Variants in PLXDC2 observed in about 807,000 individuals in gnomAD.
PLXDC2 encodes plexin domain containing 2.
A neutral mutation model predicts 68.9 loss-of-function variants in PLXDC2; 40 were observed. That is an observed-to-expected ratio of 0.58 (90% confidence interval 0.45 to 0.76). The LOEUF (loss-of-function observed/expected upper bound fraction) is 0.76, where lower values mean the gene tolerates loss of function less well. PLXDC2 is among the 30% of genes least tolerant of loss of function. The pLI is 0.00. For missense variants in PLXDC2, 644 were observed against 661.9 expected (o/e 0.97, Z 0.30); for synonymous variants, 243 against 234.2 (o/e 1.04, Z -0.34).
At chr10:19,964,742 T>G (rs71497298) in intron 1 of PLXDC2, among the ~76,000 whole-genome samples, 1 of 141,352 alleles carries the variant, frequency 7.1e-6, no homozygotes, top group Admixed American at 6.8e-5. Flanking sequence ...TTTGTTTTTG[T>G]TTTTTTTTTC....
At chr10:20,272,697 T>A (rs1835955228) in intron 13 of PLXDC2, among the ~76,000 whole-genome samples, 1 of 152,238 alleles carries the variant, frequency 6.6e-6, no homozygotes, top group African/African-American at 2.4e-5. Context: ...ATTGGCTTGT[T>A]ATTATCACCA....
intron 3 of PLXDC2, among the ~76,000 whole-genome samples, chr10:20,063,035 T>C (rs1056729708): frequency 1.1e-4 from 17 of 152,206 alleles, no homozygotes; most frequent in Non-Finnish European, 2.2e-4. Flanking sequence ...ACCACTTTAC[T>C]AATAAGAATA....
At chr10:19,913,121 G>A (rs1162286827) in intron 1 of PLXDC2, among the ~76,000 whole-genome samples, 4 of 152,182 alleles carry the variant, frequency 2.6e-5, no homozygotes, top group African/African-American at 9.7e-5. Flanking sequence ...AGGAACATCA[G>A]TGACATGGTT....
chr10:20,245,229 G>A (rs1488780357), intron 12 of PLXDC2, 116 bp from the exon 13 acceptor site: 1 of 1,144,554 alleles, frequency 8.7e-7, no homozygotes, highest in Non-Finnish European at 1.2e-6. Flanking sequence ...CAGAAAAGTT[G>A]TCCAGGAAGT....
intron 1 of PLXDC2, among the ~76,000 whole-genome samples, chr10:19,977,603 A>G (rs561761253): frequency 1.3e-5 from 2 of 152,280 alleles, no homozygotes; most frequent in Non-Finnish European, 1.5e-5. Context: ...GGTGGCTTAA[A>G]CAATATACAT....
In PLXDC2 at chr10:20,287,814, G is replaced by C. The variant is rs374551039; in HGVS notation, c.*7995G>C. 17 of 151,936 alleles carry C rather than the reference G, an allele frequency of 1.1e-4. No individual in the cohort carries two copies. The highest frequency in any genetic ancestry group is 8.3e-4 in the South Asian group (4 of 4,804). The allele number at this position is 151,936 out of a possible 1,614,324, so 9.4% of individuals were successfully genotyped here. A position where few individuals can be genotyped will look rare whatever the true frequency, so the allele number is the denominator to read the frequency against. On this transcript the variant is annotated 3_prime_UTR_variant, in exon 14 of 14. Coordinates refer to ENST00000377252, the MANE Select transcript of PLXDC2 (RefSeq NM_032812.9). ...GAAGCATTTCAACAGTGCCTGGAGAGTACATTATTTTCAGGGGAAAAAAAG... is the reference window on the plus strand; with the variant it reads ...GAAGCATTTCAACAGTGCCTGGAGACTACATTATTTTCAGGGGAAAAAAAG...
At chr10:19,960,520 C>A (rs780271620) in intron 1 of PLXDC2, among the ~76,000 whole-genome samples, 2 of 152,042 alleles carry the variant, frequency 1.3e-5, no homozygotes. Flanking sequence ...TTTGCTAGCT[C>A]CTCTCTTTTT....
intron 1 of PLXDC2, among the ~76,000 whole-genome samples, chr10:19,818,308 C>T (rs1279405047): frequency 1.4e-5 from 2 of 145,168 alleles, no homozygotes; most frequent in Non-Finnish European, 3.0e-5. Context: ...ATGCATGCGT[C>T]CTCAACAGTC....
intron 3 of PLXDC2, among the ~76,000 whole-genome samples, chr10:20,062,776 C>T (rs914832618): frequency 2.0e-5 from 3 of 151,920 alleles, no homozygotes; most frequent in African/African-American, 7.3e-5. Flanking sequence ...AATATCACAT[C>T]CCAGTTAAAT....
At chr10:20,264,150 T>G (rs145877727) in intron 13 of PLXDC2, among the ~76,000 whole-genome samples, 9,062 of 152,204 alleles carry the variant, frequency 0.06, 416 homozygotes, top group East Asian at 0.2. Flanking sequence ...AAGAACAAGA[T>G]CATGTCTTTT....
chr10:20,082,062 ATC>A (rs141244563), intron 4 of PLXDC2, among the ~76,000 whole-genome samples: 24,556 of 79,028 alleles, frequency 0.31, 5,205 homozygotes, highest in East Asian at 0.78. Flanking sequence ...AAAAAAAAAA[ATC>A]AAAAAAAAAA....
At chr10:19,946,189 C>A (rs73603679) in intron 1 of PLXDC2, among the ~76,000 whole-genome samples, 3,670 of 152,278 alleles carry the variant, frequency 0.024, 156 homozygotes, top group African/African-American at 0.084. Flanking sequence ...ATCTCCTCCT[C>A]TACCTAATTC....
At chr10:19,854,384 A>G (rs919054263) in intron 1 of PLXDC2, among the ~76,000 whole-genome samples, 4 of 152,188 alleles carry the variant, frequency 2.6e-5, no homozygotes, top group African/African-American at 7.2e-5. Context: ...ATCAGTGGCT[A>G]TCAACCCAAG....
At chr10:19,932,354 C>T (rs770692378) in intron 1 of PLXDC2, among the ~76,000 whole-genome samples, 3 of 152,108 alleles carry the variant, frequency 2.0e-5, no homozygotes, top group Non-Finnish European at 4.4e-5. Context: ...TTGAACTTAT[C>T]TTCCCTTCCA....
chr10:19,882,621 A>G (rs564167754), intron 1 of PLXDC2, among the ~76,000 whole-genome samples: 1 of 152,346 alleles, frequency 6.6e-6, no homozygotes, highest in South Asian at 2.1e-4. Context: ...TGAATCAAAT[A>G]TAATAGTATG....
At chr10:19,874,830 G>C (rs1837604649) in intron 1 of PLXDC2, among the ~76,000 whole-genome samples, 1 of 152,152 alleles carries the variant, frequency 6.6e-6, no homozygotes, top group Non-Finnish European at 1.5e-5. Flanking sequence ...GGGACCCGGG[G>C]GATATCTGGC....
chr10:20,219,155 C>A, intron 12 of PLXDC2, 53 bp downstream of exon 12: 1 of 1,543,230 alleles, frequency 6.5e-7, no homozygotes, highest in Non-Finnish European at 8.8e-7. Flanking sequence ...GAATTCATTT[C>A]ATTTATTTTA....
rs1332413164 is a variant in PLXDC2 at position 20,139,848 on chromosome 10, C to T, written c.542-3447C>T. ...GGAGGGGAACATCACACACGGGGGC[C>T]GGTCAGGGGGTGGGGGGCTTCGGGA... On this transcript the variant is annotated intron_variant, in intron 4 of 13. Transcript: ENST00000377252. Among the ~76,000 whole-genome samples, 14 of 51,788 alleles carry T rather than the reference C, an allele frequency of 2.7e-4. No homozygotes were observed. The Admixed American group carries it at 3.2e-3, about 12-fold the overall frequency. The allele number at this position is 51,788 out of a possible 152,430, so 34.0% of individuals were successfully genotyped here. A position where few individuals can be genotyped will look rare whatever the true frequency, so the allele number is the denominator to read the frequency against.
intron 13 of PLXDC2, among the ~76,000 whole-genome samples, chr10:20,258,656 A>C (rs115909101): frequency 3.0e-4 from 46 of 152,280 alleles, no homozygotes; most frequent in African/African-American, 1.1e-3. Flanking sequence ...GTATTCATAA[A>C]TGATGCAATT....
Sources: gnomAD v4.1 joint callset for allele counts (sites outside exome capture counted in the v4.1 genomes callset) on GRCh38, gnomAD v4.1.1 for gene constraint, MANE v1.5 for transcripts, NCBI Gene and HGNC (gene_info 2026-07-23, HGNC 2026-07-21) for gene names.